RIPOR3: variants seen among roughly 807,000 people sequenced by gnomAD.
The protein encoded by RIPOR3 is family with sequence similarity 65 member C.
A neutral mutation model predicts 114.3 loss-of-function variants in RIPOR3; 95 were observed. That is an observed-to-expected ratio of 0.83 (90% CI 0.70 to 0.99). The LOEUF (loss-of-function observed/expected upper bound fraction) is 0.99. RIPOR3 is among the 50% of genes least tolerant of loss of function. The pLI is 0.00. For synonymous variants in RIPOR3, 575 were observed against 543.8 expected, an observed-to-expected ratio of 1.06 and a Z score of -0.80; for missense variants, 1,252 against 1,266.9, an observed-to-expected ratio of 0.99 and a Z score of 0.18.
rs535246175 is a variant in RIPOR3, at chr20:50,609,636, G to C, written c.513C>G (p.Pro171=). The C allele has an allele frequency of 2.1e-6, 3 of 1,402,302 alleles. No individual in the cohort carries two copies. The East Asian group carries it at 8.4e-5, about 39-fold the overall frequency. The allele number at this position is 1,402,302 out of a possible 1,614,324, so 86.9% of individuals were successfully genotyped here. The part of the protein sequence containing the change: ...SSMQRAFARC[P]PSRAARESLQ... ...GGCTCTCTCGGGCTGCGCGGCTCGG[G>C]GGGCACCGGGCGAAGGCCCGCTGCA... The change falls in exon 7 of 22, where the codon CCC becomes CCG. Residue 171 remains proline, a synonymous_variant. Transcript: ENST00000327979.
chr20:50,622,783 A>G (rs1055401353), intron 2 of RIPOR3, among the ~76,000 whole-genome samples: 1 of 152,172 alleles, frequency 6.6e-6, no homozygotes, highest in Non-Finnish European at 1.5e-5. Flanking sequence ...TACATTAACA[A>G]CACACTACCC....
At chr20:50,678,635 G>T (rs1335549407) in intron 1 of RIPOR3, among the ~76,000 whole-genome samples, 3 of 152,162 alleles carry the variant, frequency 2.0e-5, no homozygotes. Flanking sequence ...ATCATCAGGG[G>T]ACTGGACTAA....
chr20:50,611,500 A>G (rs1382779861), intron 4 of RIPOR3, among the ~76,000 whole-genome samples: 1 of 152,142 alleles, frequency 6.6e-6, no homozygotes, highest in African/African-American at 2.4e-5. Context: ...GTTTCCTCCT[A>G]TGTAAAGCAG....
chr20:50,611,285 G>A (rs746844652), intron 4 of RIPOR3, 81 bp from the exon 5 acceptor site: 38 of 1,588,694 alleles, frequency 2.4e-5, no homozygotes, highest in South Asian at 5.5e-5. Context: ...CTATGCTGGC[G>A]GCGCCTGAGC....
chr20:50,632,325 G>A (rs371623167), intron 1 of RIPOR3, among the ~76,000 whole-genome samples: 1 of 152,192 alleles, frequency 6.6e-6, no homozygotes, highest in South Asian at 2.1e-4. Flanking sequence ...CTCCCACGGA[G>A]ACTGCTGGAA....
chr20:50,618,127 C>T (rs960514457), intron 3 of RIPOR3, among the ~76,000 whole-genome samples: 3 of 151,908 alleles, frequency 2.0e-5, no homozygotes, highest in Non-Finnish European at 2.9e-5. Flanking sequence ...ATTAGCCGGG[C>T]GTGGTGGCAG....
intron 19 of RIPOR3, among the ~76,000 whole-genome samples, chr20:50,590,767 C>T (rs1369592485): frequency 6.6e-6 from 1 of 152,108 alleles, no homozygotes; most frequent in Non-Finnish European, 1.5e-5. Flanking sequence ...TTGGCCCCCA[C>T]CTCAGTGTTT....
chr20:50,592,294 A>C (rs762314530), intron 19 of RIPOR3, 50 bp downstream of exon 19: 12 of 1,475,174 alleles, frequency 8.1e-6, no homozygotes, highest in Non-Finnish European at 1.0e-5. Context: ...CAGCTTACCT[A>C]TGCCCACACA....
At chr20:50,625,532 C>T (rs1236974137) in intron 2 of RIPOR3, among the ~76,000 whole-genome samples, 2 of 152,176 alleles carry the variant, frequency 1.3e-5, no homozygotes, top group African/African-American at 2.4e-5. Flanking sequence ...GGATATGAGC[C>T]GCCTCTTTCT....
chr20:50,587,140 G>T lies in RIPOR3; in HGVS notation c.*92C>A. ...GGGCAGCTCACACTCCTGGAGGAGTGCACAGCACCATTACCCAGAGTGCAG... is the reference window on the plus strand; with the variant it reads ...GGGCAGCTCACACTCCTGGAGGAGTTCACAGCACCATTACCCAGAGTGCAG... On this transcript the variant is annotated 3_prime_UTR_variant, in exon 22 of 22. Coordinates refer to ENST00000327979, the MANE Select transcript of RIPOR3 (RefSeq NM_001290268.2). The T allele has an allele frequency of 3.1e-6, 3 of 961,044 alleles. No homozygotes were observed. The highest frequency in any genetic ancestry group is 3.3e-6 in the Non-Finnish European group (2 of 609,022). 59.5% of individuals were successfully genotyped at this position (961,044 alleles called of 1,614,324 possible).
intron 15 of RIPOR3, 96 bp downstream of exon 15, chr20:50,596,042 ACC>A: frequency 1.3e-6 from 2 of 1,536,778 alleles, no homozygotes. Context: ...CAGGTCTGTC[ACC>A]CCTTCATGCT....
intron 1 of RIPOR3, among the ~76,000 whole-genome samples, chr20:50,657,748 C>CTTTTTTT (rs1272938455): frequency 9.2e-5 from 10 of 109,088 alleles, no homozygotes; most frequent in East Asian, 2.6e-4. Context: ...ATGTCTTTTA[C>CTTTTTTT]TTTTTTTTTT....
chr20:50,687,466 A>G (rs146212349), intron 1 of RIPOR3, among the ~76,000 whole-genome samples: 1 of 152,366 alleles, frequency 6.6e-6, no homozygotes, highest in African/African-American at 2.4e-5. Flanking sequence ...ACAACCATAG[A>G]TGCTGTGGAA....
intron 3 of RIPOR3, among the ~76,000 whole-genome samples, chr20:50,617,464 C>T (rs1368474273): frequency 6.6e-6 from 1 of 152,056 alleles, no homozygotes; most frequent in Non-Finnish European, 1.5e-5. Context: ...CTGCAGCCTC[C>T]ACCTCTACAG....
chr20:50,678,979 C>CCTGTAGTACTA (rs1181154487), intron 1 of RIPOR3, among the ~76,000 whole-genome samples: 1 of 150,682 alleles, frequency 6.6e-6, no homozygotes, highest in East Asian at 2.0e-4. Context: ...GTGATCCACA[C>CCTGTAGTACTA]CTGTAGTACT....
intron 1 of RIPOR3, among the ~76,000 whole-genome samples, chr20:50,652,698 G>A (rs1309768589): frequency 6.6e-6 from 1 of 151,708 alleles, no homozygotes; most frequent in African/African-American, 2.4e-5. Context: ...AGCCTTGACC[G>A]AAGTCCTGAC....
chr20:50,593,814 G>A (rs2083192546), intron 17 of RIPOR3, among the ~76,000 whole-genome samples: 1 of 152,158 alleles, frequency 6.6e-6, no homozygotes, highest in Non-Finnish European at 1.5e-5. Context: ...GAACATGACT[G>A]TCACCTTTCA....
At chr20:50,663,021 G>A (rs945550731) in intron 1 of RIPOR3, among the ~76,000 whole-genome samples, 4 of 151,426 alleles carry the variant, frequency 2.6e-5, no homozygotes, top group African/African-American at 9.7e-5. Context: ...CACTTGAACC[G>A]GGGAGGTGGA....
chr20:50,639,646 G>C (rs1438265711), intron 1 of RIPOR3, among the ~76,000 whole-genome samples: 3 of 152,186 alleles, frequency 2.0e-5, no homozygotes, highest in Non-Finnish European at 4.4e-5. Context: ...GGCAGGAGGA[G>C]CACTTGAGCC....
Sources: gnomAD v4.1 joint callset for allele counts (sites outside exome capture counted in the v4.1 genomes callset) on GRCh38, gnomAD v4.1.1 for gene constraint, MANE v1.5 for transcripts, NCBI Gene and HGNC (gene_info 2026-07-23, HGNC 2026-07-21) for gene names.